The following ROBO2 variants were observed in gnomAD, a reference collection of about 807,000 sequenced individuals.
ROBO2 encodes roundabout guidance receptor 2.
In ROBO2, 53 loss-of-function variants were observed where a neutral mutation model predicts 160.8. That is an observed-to-expected ratio of 0.33 (90% CI 0.26 to 0.41). ROBO2 has a LOEUF of 0.41. Ranked by LOEUF, ROBO2 falls within the 10% of genes least tolerant of loss-of-function variation. The pLI is 1.00. For missense variants in ROBO2, 1,577 were observed against 1,722.4 expected, an observed-to-expected ratio of 0.92 and a Z score of 1.49; for synonymous variants, 664 against 611.7, an observed-to-expected ratio of 1.09 and a Z score of -1.26.
In ROBO2 at chr3:76,556,904, T is replaced by C. The variant is rs17014348; in HGVS notation, c.110-541110T>C. ...ATCCATTTTTTCACCTTTTCGATGT[T>C]TGTTCTCTCATAGTCATCTCCATAA... On this transcript the variant is annotated intron_variant, in intron 2 of 26. Coordinates refer to the ROBO2 transcript ENST00000487694. 8.3e-3 allele frequency among the ~76,000 whole-genome samples: 1,270 copies of C among 152,256 alleles called. 19 individuals carry two copies. Among genetic ancestry groups the C allele is most frequent in the African/African-American group, 0.028 (1,169 of 41,586 alleles).
intron 2 of ROBO2, among the ~76,000 whole-genome samples, chr3:76,481,410 G>C (rs2079197781): frequency 6.6e-6 from 1 of 152,134 alleles, no homozygotes. Flanking sequence ...GGTTAGGGTA[G>C]CAAGAAGACA....
At chr3:75,935,851 G>A (rs796724328) in intron 1 of ROBO2, among the ~76,000 whole-genome samples, 1 of 152,182 alleles carries the variant, frequency 6.6e-6, no homozygotes, top group Admixed American at 6.5e-5. Flanking sequence ...CTTTGAAATC[G>A]TCCTGTTTTG....
chr3:77,644,330 A>C (rs2095389851), intron 24 of ROBO2, among the ~76,000 whole-genome samples: 1 of 152,188 alleles, frequency 6.6e-6, no homozygotes, highest in South Asian at 2.1e-4. Context: ...TGTTTCTTTA[A>C]TCTTAATGGG....
At chr3:77,473,620 AT>A (rs887135502) in intron 2 of ROBO2, among the ~76,000 whole-genome samples, 2 of 151,018 alleles carry the variant, frequency 1.3e-5, no homozygotes, top group Admixed American at 6.6e-5. Context: ...CGCCAGGCTA[AT>A]TTTTTTTGGT....
intron 2 of ROBO2, among the ~76,000 whole-genome samples, chr3:76,214,114 T>G (rs1703334618): frequency 6.6e-6 from 1 of 152,106 alleles, no homozygotes; most frequent in South Asian, 2.1e-4. Flanking sequence ...AATCCACCCC[T>G]TGTCAATTTG....
intron 1 of ROBO2, among the ~76,000 whole-genome samples, chr3:77,041,468 C>G (rs2064087497): frequency 6.6e-6 from 1 of 152,170 alleles, no homozygotes; most frequent in South Asian, 2.1e-4. Context: ...GCTCAGTCCC[C>G]AGTGGGCAAA....
chr3:77,416,621 G>A (rs1226915375), intron 2 of ROBO2, among the ~76,000 whole-genome samples: 1 of 150,972 alleles, frequency 6.6e-6, no homozygotes, highest in Non-Finnish European at 1.5e-5. Flanking sequence ...GGAGGCTGAG[G>A]CAGGAGAATC....
chr3:76,923,671 T>C lies in ROBO2; in HGVS notation c.110-174343T>C, dbSNP rs532236294. 2.6e-5 allele frequency among the ~76,000 whole-genome samples: 4 copies of C among 152,326 alleles called. No homozygotes were observed. The South Asian group carries it at 8.3e-4, about 32-fold the overall frequency. ...GTAACTATTGGTAATCGTTCTGTTC[T>C]GCAAAGTATCATTGGTGCATCAGAA... is the stretch of plus-strand genomic sequence containing the variant. On this transcript the variant is annotated intron_variant, in intron 2 of 26. Coordinates refer to the ROBO2 transcript ENST00000487694.
intron 2 of ROBO2, among the ~76,000 whole-genome samples, chr3:77,390,671 AG>A (rs1290947678): frequency 6.6e-6 from 1 of 152,214 alleles, no homozygotes; most frequent in Admixed American, 6.5e-5. Context: ...CAGATAATAA[AG>A]CAACTATGAT....
intron 2 of ROBO2, among the ~76,000 whole-genome samples, chr3:77,134,005 C>T (rs1191554353): frequency 6.6e-6 from 1 of 151,950 alleles, no homozygotes; most frequent in Non-Finnish European, 1.5e-5. Context: ...GGAGAAATCC[C>T]GTCTCTACTA....
intron 2 of ROBO2, among the ~76,000 whole-genome samples, chr3:76,351,962 T>A (rs1483317163): frequency 6.6e-6 from 1 of 152,040 alleles, no homozygotes; most frequent in African/African-American, 2.4e-5. Flanking sequence ...AACTTTACAA[T>A]GTCATAACTA....
At chr3:76,178,023 G>A (rs766859430) in intron 2 of ROBO2, among the ~76,000 whole-genome samples, 12 of 152,132 alleles carry the variant, frequency 7.9e-5, no homozygotes, top group Non-Finnish European at 1.6e-4. Context: ...CTAACAACAA[G>A]CAACATTTGG....
intron 2 of ROBO2, among the ~76,000 whole-genome samples, chr3:76,452,529 A>T (rs569159200): frequency 2.1e-4 from 32 of 152,282 alleles, no homozygotes; most frequent in Admixed American, 1.4e-3. Flanking sequence ...GCTGCATAGT[A>T]TTCCATGGTG....
At chr3:76,427,887 G>A (rs968672988) in intron 2 of ROBO2, among the ~76,000 whole-genome samples, 1 of 152,072 alleles carries the variant, frequency 6.6e-6, no homozygotes, top group Non-Finnish European at 1.5e-5. Flanking sequence ...TGATTAGTAT[G>A]TGCCTCTCTT....
intron 2 of ROBO2, among the ~76,000 whole-genome samples, chr3:76,071,131 C>G (rs2068440347): frequency 6.6e-6 from 1 of 152,038 alleles, no homozygotes; most frequent in Admixed American, 6.6e-5. Context: ...TGATAATTAT[C>G]CAGATGAATG....
At chr3:76,395,940 GA>G (rs2077420188) in intron 2 of ROBO2, among the ~76,000 whole-genome samples, 1 of 152,082 alleles carries the variant, frequency 6.6e-6, no homozygotes, top group Non-Finnish European at 1.5e-5. Flanking sequence ...CCAATCAATA[GA>G]AAAAGAGGGA....
At chr3:76,399,744 C>G (rs1473227547) in intron 2 of ROBO2, among the ~76,000 whole-genome samples, 3 of 151,602 alleles carry the variant, frequency 2.0e-5, no homozygotes, top group Non-Finnish European at 4.4e-5. Context: ...GGGAGTCTAC[C>G]CATAACTCCT....
At chr3:77,005,807 C>T (rs115798264) in intron 2 of ROBO2, among the ~76,000 whole-genome samples, 421 of 151,862 alleles carry the variant, frequency 2.8e-3, no homozygotes, top group African/African-American at 9.5e-3. Flanking sequence ...GATTACGAAG[C>T]AAAAAAGGAT....
chr3:76,472,983 G>C (rs1310730725), intron 2 of ROBO2, among the ~76,000 whole-genome samples: 2 of 152,012 alleles, frequency 1.3e-5, no homozygotes, highest in African/African-American at 4.8e-5. Flanking sequence ...ACTATCAGTG[G>C]TGTTTACGCA....
Sources: allele counts gnomAD v4.1 joint callset (sites outside exome capture counted in the v4.1 genomes callset), GRCh38; gene constraint gnomAD v4.1.1; transcripts MANE v1.5; gene names NCBI Gene and HGNC (gene_info 2026-07-23, HGNC 2026-07-21).